PUDP: variants seen among roughly 807,000 people sequenced by gnomAD.
The protein encoded by PUDP is pseudouridine 5'-phosphatase.
A neutral mutation model predicts 9.4 loss-of-function variants in PUDP; 8 were observed. The observed-to-expected ratio is 0.85, with a 90% confidence interval of 0.50 to 1.53. The LOEUF (loss-of-function observed/expected upper bound fraction) is 1.53, where lower values mean the gene tolerates loss of function less well. Ranked by LOEUF, PUDP falls within the 40% of genes most tolerant of loss-of-function variation. The probability of loss-of-function intolerance (pLI) is 0.00; values close to 1 mark genes in which losing one functional copy is unlikely to be tolerated. For missense variants in PUDP, 188 were observed against 189.7 expected (o/e 0.99, Z 0.05); for synonymous variants, 99 against 80.7 (o/e 1.23, Z -1.22).
chrX:7,068,033 A>G (rs1037431742), intron 3 of PUDP, among the ~76,000 whole-genome samples: 9 of 111,655 alleles, frequency 8.1e-5, no homozygotes, highest in Non-Finnish European at 1.7e-4. Context: ...TGGAACTGTG[A>G]GTCCGTTAAA....
At chrX:6,969,674 C>T (rs926808459) in intron 3 of PUDP, among the ~76,000 whole-genome samples, 7 of 111,822 alleles carry the variant, frequency 6.3e-5, no homozygotes, top group Non-Finnish European at 1.1e-4. Flanking sequence ...GCTGGGATTT[C>T]GAAACCAGCC....
intron 2 of PUDP, among the ~76,000 whole-genome samples, chrX:7,100,840 T>C (rs1161541404): frequency 8.9e-6 from 1 of 112,289 alleles, no homozygotes; most frequent in East Asian, 2.8e-4. Flanking sequence ...ATTTCTGGAT[T>C]GGAATTAGGC....
intron 3 of PUDP, among the ~76,000 whole-genome samples, chrX:6,815,408 T>C (rs1231872921): frequency 1.8e-5 from 2 of 112,086 alleles, no homozygotes; most frequent in Non-Finnish European, 3.8e-5. Context: ...TTATAGTCAT[T>C]CAAACTGAAA....
At chrX:6,851,594 G>A (rs72609559) in intron 3 of PUDP, among the ~76,000 whole-genome samples, 23 of 110,842 alleles carry the variant, frequency 2.1e-4, no homozygotes, top group Non-Finnish European at 1.5e-4. Flanking sequence ...TCCTAGTTAC[G>A]ATAATTACAG....
At chrX:7,139,616 G>C (rs762229436) in intron 1 of PUDP, among the ~76,000 whole-genome samples, 1 of 111,986 alleles carries the variant, frequency 8.9e-6, no homozygotes, top group East Asian at 2.8e-4. Flanking sequence ...GCTTCGATGT[G>C]CCAACTATGA....
intron 3 of PUDP, among the ~76,000 whole-genome samples, chrX:6,877,553 G>A (rs959105461): frequency 2.7e-5 from 3 of 111,182 alleles, no homozygotes; most frequent in Non-Finnish European, 5.7e-5. Context: ...ATCTGGGGTG[G>A]AGAGGGGATG....
chrX:6,767,402 C>G (rs1925298473), intron 3 of PUDP, among the ~76,000 whole-genome samples: 1 of 112,713 alleles, frequency 8.9e-6, no homozygotes. Context: ...TGAATGGACA[C>G]CTCACAGAAG....
At chrX:6,973,690 G>A (rs950267226) in intron 3 of PUDP, among the ~76,000 whole-genome samples, 5 of 111,722 alleles carry the variant, frequency 4.5e-5, no homozygotes, top group African/African-American at 1.6e-4. Context: ...TGTTGATTTG[G>A]GGTGGAGAGT....
intron 3 of PUDP, among the ~76,000 whole-genome samples, chrX:6,934,785 A>G (rs28824538): frequency 0.19 from 16,250 of 85,354 alleles, 1,563 homozygotes; most frequent in Admixed American, 0.32. Flanking sequence ...AGGATGGAGG[A>G]AGATCTACCA....
At chrX:7,065,254 C>T (rs1474200584) in intron 3 of PUDP, among the ~76,000 whole-genome samples, 4 of 112,195 alleles carry the variant, frequency 3.6e-5, no homozygotes, top group Admixed American at 2.8e-4. Flanking sequence ...AGGGTCCCAC[C>T]GTTCCCTACC....
chrX:6,854,620 T>C (rs767446001), intron 3 of PUDP, among the ~76,000 whole-genome samples: 5 of 112,163 alleles, frequency 4.5e-5, no homozygotes, highest in African/African-American at 1.6e-4. Flanking sequence ...AATTAACATA[T>C]ATTTTATGTA....
chrX:6,802,921 C>A (rs778140930), intron 3 of PUDP, among the ~76,000 whole-genome samples: 9 of 3,566 alleles, frequency 2.5e-3, no homozygotes, highest in Admixed American at 5.3e-3. Context: ...CATAACATAA[C>A]ATAACATAAA....
intron 1 of PUDP, among the ~76,000 whole-genome samples, chrX:7,030,222 A>G (rs1227182597): frequency 9.0e-6 from 1 of 111,137 alleles, no homozygotes; most frequent in African/African-American, 3.3e-5. Context: ...GGCGGCCAAC[A>G]CAACCTAGTA....
intron 3 of PUDP, among the ~76,000 whole-genome samples, chrX:6,775,201 A>C (rs768582198): frequency 1.8e-5 from 2 of 112,043 alleles, no homozygotes; most frequent in East Asian, 5.6e-4. Flanking sequence ...AGAGTGATAC[A>C]ATATGTGGTC....
intron 3 of PUDP, among the ~76,000 whole-genome samples, chrX:6,910,443 G>A (rs1428995887): frequency 9.0e-6 from 1 of 111,396 alleles, no homozygotes; most frequent in Non-Finnish European, 1.9e-5. Flanking sequence ...GTGGGAGTGA[G>A]ATGTACCAGA....
At chrX:6,819,610 T>A (rs1358210340) in intron 3 of PUDP, among the ~76,000 whole-genome samples, 1 of 112,695 alleles carries the variant, frequency 8.9e-6, no homozygotes, top group Non-Finnish European at 1.9e-5. Context: ...TTGAAACACG[T>A]CTTCATGGAT....
chrX:7,087,163 T>C lies in PUDP; in HGVS notation c.281-9714A>G, dbSNP rs775197766. ...GTTGGAAATAGGGTCTTTGCAGATG[T>C]AATCAAGTTATTATGAGGCCATACT... On this transcript the variant is annotated intron_variant, in intron 2 of 3. Coordinates refer to ENST00000381077, the MANE Select transcript of PUDP (RefSeq NM_012080.5). 9.6e-4 allele frequency among the ~76,000 whole-genome samples: 107 copies of C among 112,014 alleles called. 1 individual carries two copies. Among genetic ancestry groups the C allele is most frequent in the Non-Finnish European group, 1.7e-3 (90 of 53,194 alleles).
intron 3 of PUDP, among the ~76,000 whole-genome samples, chrX:6,835,882 T>TTA (rs1436839419): frequency 2.8e-5 from 3 of 108,867 alleles, no homozygotes; most frequent in Non-Finnish European, 5.7e-5. Context: ...GCTTTTTTTT[T>TTA]TTTATTTTTA....
chrX:6,722,396 G>T, upstream of PUDP, among the ~76,000 whole-genome samples: 1 of 108,387 alleles, frequency 9.2e-6, no homozygotes, highest in East Asian at 2.9e-4. Flanking sequence ...AGTGAACCAA[G>T]ATTACACCAC....
Sources: gnomAD v4.1 joint callset for allele counts (sites outside exome capture counted in the v4.1 genomes callset) on GRCh38, gnomAD v4.1.1 for gene constraint, MANE v1.5 for transcripts, NCBI Gene and HGNC (gene_info 2026-07-23, HGNC 2026-07-21) for gene names.